The following TXNDC15 variants were observed in gnomAD, a reference collection of about 807,000 sequenced individuals.
The protein encoded by TXNDC15 is thioredoxin domain containing 15, also known as thioredoxin domain-containing protein 15.
A neutral mutation model predicts 35.0 loss-of-function variants in TXNDC15; 24 were observed. The ratio of observed to expected loss-of-function variants is 0.68; its 90% CI spans 0.50 to 0.96. TXNDC15 has a LOEUF of 0.96. Among genes scored for constraint, TXNDC15 ranks in the 40% least tolerant of loss-of-function variants. The pLI, the probability that TXNDC15 is intolerant of heterozygous loss-of-function variation, is 0.00. For synonymous variants in TXNDC15, 169 were observed against 174.0 expected, an observed-to-expected ratio of 0.97 and a Z score of 0.23; for missense variants, 385 against 453.3, an observed-to-expected ratio of 0.85 and a Z score of 1.37.
At chr5:134,877,852 A>G (rs1000358682) in intron 1 of TXNDC15, among the ~76,000 whole-genome samples, 1 of 150,068 alleles carries the variant, frequency 6.7e-6, no homozygotes, top group Non-Finnish European at 1.5e-5. Context: ...GGCTCATTGC[A>G]ACCTCTGCCT....
intron 1 of TXNDC15, chr5:134,875,148 A>C (rs1315199182): frequency 2.2e-6 from 1 of 456,226 alleles, no homozygotes; most frequent in Admixed American, 2.3e-5. Context: ...TGAAAAACAG[A>C]CGAGAAACAC....
chr5:134,883,146 G>T (rs920046481), intron 1 of TXNDC15, among the ~76,000 whole-genome samples: 1 of 151,982 alleles, frequency 6.6e-6, no homozygotes, highest in Non-Finnish European at 1.5e-5. Context: ...AAATAATTAG[G>T]CTGGGCATGG....
At chr5:134,884,994 C>T (rs989268173) in intron 1 of TXNDC15, among the ~76,000 whole-genome samples, 6 of 151,502 alleles carry the variant, frequency 4.0e-5, no homozygotes, top group Admixed American at 2.6e-4. Flanking sequence ...ATGATCTCGG[C>T]TCATTGCAAC....
chr5:134,875,508 T>G, intron 1 of TXNDC15: 1 of 421,512 alleles, frequency 2.4e-6, no homozygotes, highest in Non-Finnish European at 4.7e-6. Context: ...TTGTTTTTGT[T>G]TTTTTAAGGG....
chr5:134,885,316 G>C (rs1008891637), intron 1 of TXNDC15, among the ~76,000 whole-genome samples: 1 of 152,194 alleles, frequency 6.6e-6, no homozygotes, highest in Admixed American at 6.5e-5. Context: ...CAAGCAAGCT[G>C]TTATTTTCTT....
At chr5:134,874,556 T>A (rs747305000) in intron 1 of TXNDC15, 26 bp downstream of exon 1, 2 of 1,568,252 alleles carry the variant, frequency 1.3e-6, no homozygotes, top group South Asian at 2.2e-5. Context: ...GGGCGGTGCA[T>A]GAGATGATGG....
In TXNDC15 at chr5:134,887,766, C is replaced by T. The variant is rs772736313; in HGVS notation, c.175C>T (p.Leu59=). Residue 59 remains leucine, a synonymous_variant, in exon 2 of 5, where the codon CTG becomes TTG. Coordinates refer to ENST00000358387, the MANE Select transcript of TXNDC15 (RefSeq NM_024715.4). ...CCCTCTCCAGGTGGGGGCTGTGTAC[C>T]TGGGTGAGGAGGAGCTCCTGCATGA... ...AHPLQVGAVY[L]GEEELLHDPM... is the part of the protein sequence containing the mutation. 2 of 1,613,716 alleles carry T rather than the reference C, an allele frequency of 1.2e-6. No individual in the cohort carries two copies. The highest frequency in any genetic ancestry group is 1.7e-6 in the Non-Finnish European group (2 of 1,179,792).
chr5:134,882,327 C>T (rs1430589338), intron 1 of TXNDC15, among the ~76,000 whole-genome samples: 1 of 150,262 alleles, frequency 6.7e-6, no homozygotes, highest in Non-Finnish European at 1.5e-5. Context: ...GATGGGATGG[C>T]GGCCGGGCAG....
chr5:134,874,366 C>G, upstream of TXNDC15: 1 of 1,436,636 alleles, frequency 7.0e-7, no homozygotes, highest in Non-Finnish European at 9.3e-7. Context: ...CCTCCCCCAG[C>G]CTTCCTCCGG....
intron 2 of TXNDC15, among the ~76,000 whole-genome samples, chr5:134,889,509 A>G (rs1451338671): frequency 6.6e-6 from 1 of 152,208 alleles, no homozygotes; most frequent in East Asian, 1.9e-4. Context: ...CAGATGTAAG[A>G]TACTGTGGCT....
intron 1 of TXNDC15, among the ~76,000 whole-genome samples, chr5:134,884,103 C>A (rs1184101105): frequency 2.0e-5 from 3 of 150,654 alleles, no homozygotes; most frequent in Non-Finnish European, 4.4e-5. Flanking sequence ...ACCTATAATC[C>A]CAGCTACTTG....
At chr5:134,874,649 C>T in intron 1 of TXNDC15, 119 bp downstream of exon 1, 2 of 783,640 alleles carry the variant, frequency 2.6e-6, no homozygotes, top group Non-Finnish European at 3.8e-6. Flanking sequence ...TGGCGTCTCC[C>T]CGGGCGCGTC....
chr5:134,878,547 C>G (rs954575367), intron 1 of TXNDC15, among the ~76,000 whole-genome samples: 1 of 152,212 alleles, frequency 6.6e-6, no homozygotes, highest in Non-Finnish European at 1.5e-5. Context: ...AAAGAGCCTT[C>G]TGAGAAAAGC....
intron 2 of TXNDC15, among the ~76,000 whole-genome samples, chr5:134,888,768 C>G (rs1489588260): frequency 1.3e-5 from 2 of 152,154 alleles, no homozygotes; most frequent in Non-Finnish European, 2.9e-5. Flanking sequence ...AGGTGTGAGC[C>G]ACCGTGCCCG....
intron 1 of TXNDC15, among the ~76,000 whole-genome samples, chr5:134,882,467 G>C (rs551090955): frequency 1.3e-5 from 2 of 152,186 alleles, no homozygotes; most frequent in Non-Finnish European, 2.9e-5. Flanking sequence ...CTGCAATCTC[G>C]GCACTTTGGG....
chr5:134,896,194 C>G, intron 3 of TXNDC15, 100 bp from the exon 4 acceptor site: 3 of 1,406,896 alleles, frequency 2.1e-6, no homozygotes, highest in Non-Finnish European at 2.9e-6. Flanking sequence ...AGGTCACACG[C>G]AACTTCCTCA....
intron 1 of TXNDC15, among the ~76,000 whole-genome samples, chr5:134,882,009 C>T (rs1280529463): frequency 4.0e-5 from 6 of 151,004 alleles, no homozygotes; most frequent in Admixed American, 6.6e-5. Context: ...ACTTCCCAGA[C>T]GGGGTGGCTG....
intron 1 of TXNDC15, among the ~76,000 whole-genome samples, chr5:134,887,477 A>G (rs319601): frequency 0.63 from 96,196 of 152,148 alleles, 30,752 homozygotes; most frequent in African/African-American, 0.74. Context: ...GTGAACCACC[A>G]TGCCCGGCCT....
At chr5:134,897,790 C>T (rs1750524772) in intron 4 of TXNDC15, among the ~76,000 whole-genome samples, 1 of 152,136 alleles carries the variant, frequency 6.6e-6, no homozygotes, top group Non-Finnish European at 1.5e-5. Context: ...GGGTGGATCT[C>T]TTGAGGCCAG....
Sources: allele counts gnomAD v4.1 joint callset (sites outside exome capture counted in the v4.1 genomes callset), GRCh38; gene constraint gnomAD v4.1.1; transcripts MANE v1.5; gene names NCBI Gene and HGNC (gene_info 2026-07-23, HGNC 2026-07-21).